Variants in LMBRD1 observed in about 807,000 individuals in gnomAD.
The protein encoded by LMBRD1 is lysosomal cobalamin transport escort protein LMBD1.
A neutral mutation model predicts 74.8 loss-of-function variants in LMBRD1; 64 were observed. The observed-to-expected ratio is 0.86, with a 90% confidence interval of 0.70 to 1.05. The LOEUF is 1.05. LMBRD1 is among the 50% of genes least tolerant of loss of function. LMBRD1 has a pLI of 0.00. For synonymous variants in LMBRD1, 204 were observed against 216.3 expected, an observed-to-expected ratio of 0.94 and a Z score of 0.50; for missense variants, 652 against 645.9, an observed-to-expected ratio of 1.01 and a Z score of -0.10.
chr6:69,695,850 T>C (rs1398636309), intron 14 of LMBRD1, among the ~76,000 whole-genome samples: 3 of 151,536 alleles, frequency 2.0e-5, no homozygotes, highest in Non-Finnish European at 4.4e-5. Flanking sequence ...ACTTTTTTTT[T>C]TTTTTTTCCC....
At chr6:69,689,953 C>A (rs1028744836) in intron 14 of LMBRD1, among the ~76,000 whole-genome samples, 8 of 152,066 alleles carry the variant, frequency 5.3e-5, no homozygotes, top group African/African-American at 1.9e-4. Context: ...AATCACCCTC[C>A]CATTCCCACC....
At chr6:69,699,217 T>A in intron 12 of LMBRD1, 25 bp from the exon 13 acceptor site, 1 of 1,594,942 alleles carries the variant, frequency 6.3e-7, no homozygotes, top group Non-Finnish European at 8.6e-7. Flanking sequence ...GTGACAAAAT[T>A]TCAGCAATAT....
At chr6:69,679,143 T>C (rs1375268771) in intron 14 of LMBRD1, among the ~76,000 whole-genome samples, 1 of 151,958 alleles carries the variant, frequency 6.6e-6, no homozygotes, top group East Asian at 1.9e-4. Flanking sequence ...ATCTAATTCC[T>C]ATCTATTGAG....
chr6:69,710,276 T>G (rs1766355655), intron 9 of LMBRD1, among the ~76,000 whole-genome samples: 1 of 151,726 alleles, frequency 6.6e-6, no homozygotes, highest in African/African-American at 2.4e-5. Context: ...GAAAAAAAAA[T>G]TATGCTGGAA....
At chr6:69,705,624 T>A (rs1469807836) in intron 9 of LMBRD1, 16 of 929,756 alleles carry the variant, frequency 1.7e-5, no homozygotes, top group Non-Finnish European at 2.8e-5. Flanking sequence ...AGTTTCCTTA[T>A]TATCAAAATC....
intron 14 of LMBRD1, among the ~76,000 whole-genome samples, chr6:69,690,114 C>T (rs1765846238): frequency 1.3e-5 from 2 of 150,820 alleles, no homozygotes. Flanking sequence ...TTGAGCTGAT[C>T]TTATTCCTTT....
intron 9 of LMBRD1, among the ~76,000 whole-genome samples, chr6:69,711,399 T>A (rs1766380543): frequency 6.6e-6 from 1 of 152,162 alleles, no homozygotes; most frequent in Admixed American, 6.6e-5. Context: ...GCAAAACCAG[T>A]CTGTACACTT....
At chr6:69,783,718 GAAT>G (rs1765886788) in intron 2 of LMBRD1, among the ~76,000 whole-genome samples, 1 of 151,056 alleles carries the variant, frequency 6.6e-6, no homozygotes, top group South Asian at 2.1e-4. Context: ...ATGGGCCAGA[GAAT>G]AATAACAACT....
At chr6:69,721,547 G>A (rs767729756) in intron 7 of LMBRD1, among the ~76,000 whole-genome samples, 1 of 152,120 alleles carries the variant, frequency 6.6e-6, no homozygotes, top group Non-Finnish European at 1.5e-5. Context: ...AAGAGCCCCT[G>A]GTCCCTCAAT....
At chr6:69,755,065 C>T (rs567274953) in intron 3 of LMBRD1, among the ~76,000 whole-genome samples, 37 of 152,276 alleles carry the variant, frequency 2.4e-4, no homozygotes, top group Admixed American at 2.4e-3. Flanking sequence ...TTTGACCCAG[C>T]AATCCCATTA....
intron 14 of LMBRD1, 138 bp downstream of exon 14, chr6:69,697,425 G>A: frequency 1.5e-6 from 1 of 653,578 alleles, no homozygotes; most frequent in Non-Finnish European, 2.8e-6. Context: ...TTCTACTGAA[G>A]AGATTTACCA....
chr6:69,679,409 C>A lies in LMBRD1; in HGVS notation c.1418-2868G>T, dbSNP rs183936969. Among the ~76,000 whole-genome samples, 6 of 152,208 alleles carry A rather than the reference C, an allele frequency of 3.9e-5. No homozygotes were observed. The East Asian group carries it at 1.2e-3, about 29-fold the overall frequency. Reference sequence around the variant, plus strand: ...CCACATTTTATTCTCACTTTTATTACAGAACTTACTTCACAGTGATATAGC... The same window carrying A: ...CCACATTTTATTCTCACTTTTATTAAAGAACTTACTTCACAGTGATATAGC... On this transcript the variant is annotated intron_variant, in intron 14 of 15. Transcript: ENST00000649934.
chr6:69,779,279 T>C (rs1275729536), intron 3 of LMBRD1, among the ~76,000 whole-genome samples: 1 of 151,996 alleles, frequency 6.6e-6, no homozygotes, highest in Non-Finnish European at 1.5e-5. Context: ...TTTAATGTCC[T>C]ACTGAAATCT....
At chr6:69,756,035 A>C (rs921947805) in intron 3 of LMBRD1, among the ~76,000 whole-genome samples, 1 of 152,222 alleles carries the variant, frequency 6.6e-6, no homozygotes, top group Non-Finnish European at 1.5e-5. Context: ...TTTTTAAAAA[A>C]TGGGTGAAGA....
intron 3 of LMBRD1, among the ~76,000 whole-genome samples, chr6:69,778,201 C>T (rs1322012333): frequency 3.9e-5 from 6 of 152,164 alleles, no homozygotes; most frequent in Admixed American, 3.9e-4. Flanking sequence ...AGATCACTGT[C>T]TCAACTATCC....
intron 3 of LMBRD1, among the ~76,000 whole-genome samples, chr6:69,772,183 C>T (rs1043935801): frequency 3.3e-5 from 5 of 151,952 alleles, no homozygotes; most frequent in Non-Finnish European, 5.9e-5. Context: ...CACAAAGATT[C>T]GAAACTGGGA....
intron 7 of LMBRD1, among the ~76,000 whole-genome samples, chr6:69,725,286 C>T (rs1005975946): frequency 2.0e-5 from 3 of 151,630 alleles, no homozygotes; most frequent in Non-Finnish European, 4.4e-5. Flanking sequence ...CCATACTACT[C>T]AAAGCAACCT....
At chr6:69,754,893 C>T (rs1765237186) in intron 3 of LMBRD1, among the ~76,000 whole-genome samples, 1 of 152,208 alleles carries the variant, frequency 6.6e-6, no homozygotes, top group Admixed American at 6.5e-5. Context: ...GAGATACCAT[C>T]TCACGCCAAT....
At position 69,747,977 on chromosome 6, in the gene LMBRD1, T is replaced by C. The variant is rs192049060; in HGVS notation, c.473+1364A>G. On this transcript the variant is annotated intron_variant, in intron 5 of 15. Transcript: ENST00000649934. ...ATAATGAGAAGAACACTGTCCTAGA[T>C]GGCTGAAATGCTAATAGTCTTTAAT... is the stretch of plus-strand genomic sequence containing the variant. 2.1e-3 allele frequency among the ~76,000 whole-genome samples: 323 copies of C among 152,376 alleles called. 1 individual carries two copies. The highest frequency in any genetic ancestry group is 7.4e-3 in the African/African-American group (306 of 41,594).
Sources: gnomAD v4.1 joint callset for allele counts (sites outside exome capture counted in the v4.1 genomes callset) on GRCh38, gnomAD v4.1.1 for gene constraint, MANE v1.5 for transcripts, NCBI Gene and HGNC (gene_info 2026-07-23, HGNC 2026-07-21) for gene names.